Variants in PREX2 observed in about 807,000 individuals in gnomAD.
PREX2 encodes the protein phosphatidylinositol 3,4,5-trisphosphate-dependent Rac exchanger 2 protein.
In PREX2, 107 loss-of-function variants were observed where a neutral mutation model predicts 203.2. That is an observed-to-expected ratio of 0.53 (90% CI 0.45 to 0.62). PREX2 has a LOEUF of 0.62. Among genes scored for constraint, PREX2 ranks in the 20% least tolerant of loss-of-function variants. The pLI is 0.00. For synonymous variants in PREX2, 672 were observed against 663.6 expected, an observed-to-expected ratio of 1.01 and a Z score of -0.19; for missense variants, 1,777 against 1,955.9, an observed-to-expected ratio of 0.91 and a Z score of 1.72.
At chr8:68,156,156 G>T (rs1280321456) in intron 34 of PREX2, among the ~76,000 whole-genome samples, 1 of 152,138 alleles carries the variant, frequency 6.6e-6, no homozygotes, top group Non-Finnish European at 1.5e-5. Flanking sequence ...AAAATCCTGG[G>T]CTCAAGTTAT....
chr8:68,127,835 A>C (rs926548205), intron 31 of PREX2, among the ~76,000 whole-genome samples: 2 of 152,136 alleles, frequency 1.3e-5, no homozygotes, highest in Admixed American at 6.6e-5. Flanking sequence ...TGGGAGCTCA[A>C]AAAATATTGG....
chr8:68,112,240 C>T (rs996419906), intron 25 of PREX2, among the ~76,000 whole-genome samples: 1 of 152,128 alleles, frequency 6.6e-6, no homozygotes, highest in African/African-American at 2.4e-5. Context: ...GACTTTTGCC[C>T]TGCAATGGGC....
At chr8:68,219,186 T>C (rs1000896113) in intron 38 of PREX2, among the ~76,000 whole-genome samples, 4 of 152,162 alleles carry the variant, frequency 2.6e-5, no homozygotes, top group Admixed American at 2.0e-4. Flanking sequence ...TTTAGAATAT[T>C]CCACTAAGGA....
Position 68,010,498 on chromosome 8 carries a change from G to A in PREX2, c.142-7348G>A, listed in dbSNP as rs931620063. ...ACTAGGCTGTGGATGTAGTAATAGT[G>A]GATAGTGATAATAGGCGCAGTGGCA... is the stretch of plus-strand genomic sequence containing the variant. On this transcript the variant is annotated intron_variant, in intron 1 of 39. Transcript: ENST00000288368. Among the ~76,000 whole-genome samples the A allele has an allele frequency of 1.4e-4, 22 of 152,136 alleles. 1 individual carries two copies. The highest frequency in any genetic ancestry group is 4.6e-4 in the African/African-American group (19 of 41,420).
Position 68,030,532 on chromosome 8 carries a change from C to T in PREX2, c.579C>T (p.Asp193=). ...AGCGGACTCCACGGAAACACAGTGACTATGCAGCAGTGATGGAAGCCCTCC... is the reference window on the plus strand; with the variant it reads ...AGCGGACTCCACGGAAACACAGTGATTATGCAGCAGTGATGGAAGCCCTCC... ...LLKRTPRKHS[D]YAAVMEALQA... is the part of the protein sequence containing the mutation. Residue 193 remains aspartate, a synonymous_variant, in exon 6 of 40, where the codon GAC becomes GAT. Coordinates refer to ENST00000288368, the MANE Select transcript of PREX2 (RefSeq NM_024870.4). 1 of 1,613,426 alleles carries T rather than the reference C, an allele frequency of 6.2e-7. No homozygotes were observed. The highest frequency in any genetic ancestry group is 8.5e-7 in the Non-Finnish European group (1 of 1,179,560).
At chr8:68,194,215 C>G (rs1029121702) in intron 37 of PREX2, among the ~76,000 whole-genome samples, 1 of 152,154 alleles carries the variant, frequency 6.6e-6, no homozygotes, top group South Asian at 2.1e-4. Context: ...TGTGCCAGCA[C>G]TGTTCTAGTT....
chr8:68,032,703 G>A (rs930294906), intron 6 of PREX2, among the ~76,000 whole-genome samples: 1 of 152,182 alleles, frequency 6.6e-6, no homozygotes, highest in Non-Finnish European at 1.5e-5. Context: ...GCTGTAATGA[G>A]TTAAAGAGCT....
At chr8:68,049,517 T>G (rs566275241) in intron 8 of PREX2, among the ~76,000 whole-genome samples, 1 of 152,058 alleles carries the variant, frequency 6.6e-6, no homozygotes, top group Non-Finnish European at 1.5e-5. Context: ...TATGAAACTG[T>G]ACTGAAATAA....
intron 1 of PREX2, among the ~76,000 whole-genome samples, chr8:67,978,941 C>A (rs1806189202): frequency 6.6e-6 from 1 of 152,052 alleles, no homozygotes; most frequent in African/African-American, 2.4e-5. Context: ...AAAAGAAGTT[C>A]TAAATTAATC....
rs142452714 is a variant in PREX2 at position 68,078,212 on chromosome 8, C to T, written c.1642+743C>T. On this transcript the variant is annotated intron_variant, in intron 15 of 39. Coordinates refer to ENST00000288368, the MANE Select transcript of PREX2 (RefSeq NM_024870.4). ...ACAGGGTCTCACTCTGTCACCCAGG[C>T]TAGAGTGCAGTGGCATGATCTCAGC... Among the ~76,000 whole-genome samples the T allele has an allele frequency of 4.8e-3, 734 of 152,262 alleles. 5 individuals carry two copies. Among genetic ancestry groups the T allele is most frequent in the Non-Finnish European group, 6.7e-3 (459 of 68,018 alleles).
intron 35 of PREX2, among the ~76,000 whole-genome samples, chr8:68,163,273 CTG>C (rs1811689084): frequency 6.6e-6 from 1 of 152,158 alleles, no homozygotes; most frequent in African/African-American, 2.4e-5. Context: ...TGTATTCAAA[CTG>C]TGTCTTTGTA....
intron 35 of PREX2, among the ~76,000 whole-genome samples, chr8:68,187,057 T>C (rs1341085834): frequency 6.6e-6 from 1 of 152,122 alleles, no homozygotes; most frequent in Non-Finnish European, 1.5e-5. Context: ...GGAACATCTT[T>C]TTCAGAAAGA....
chr8:67,961,999 A>G (rs576666317), intron 1 of PREX2, among the ~76,000 whole-genome samples: 1 of 152,364 alleles, frequency 6.6e-6, no homozygotes, highest in African/African-American at 2.4e-5. Flanking sequence ...TGATATAAAA[A>G]TATTCTCTGG....
chr8:68,030,764 T>C (rs569245233), intron 6 of PREX2, 106 bp downstream of exon 6: 22 of 1,091,964 alleles, frequency 2.0e-5, no homozygotes, highest in South Asian at 5.7e-5. Flanking sequence ...TTTTCTCAGA[T>C]ATTACTTGAG....
intron 39 of PREX2, among the ~76,000 whole-genome samples, chr8:68,225,783 T>A (rs2129615512): frequency 6.6e-6 from 1 of 152,326 alleles, no homozygotes; most frequent in East Asian, 1.9e-4. Flanking sequence ...ATCTAAGGCT[T>A]TATATTGCTA....
chr8:68,070,631 A>G (rs948719630), intron 13 of PREX2, among the ~76,000 whole-genome samples: 2 of 152,208 alleles, frequency 1.3e-5, no homozygotes, highest in Non-Finnish European at 2.9e-5. Context: ...TGACTAAATC[A>G]TAGTCCGCAA....
chr8:68,106,678 T>C (rs1014436446), intron 23 of PREX2, among the ~76,000 whole-genome samples: 2 of 152,196 alleles, frequency 1.3e-5, no homozygotes, highest in East Asian at 1.9e-4. Flanking sequence ...TTATGCAATG[T>C]CAATTTTGAT....
At chr8:67,990,840 A>T (rs2129609469) in intron 1 of PREX2, among the ~76,000 whole-genome samples, 1 of 152,198 alleles carries the variant, frequency 6.6e-6, no homozygotes, top group African/African-American at 2.4e-5. Context: ...GCCGCCAGGG[A>T]TAAGACCCAT....
chr8:68,097,323 C>CT, intron 22 of PREX2, 122 bp downstream of exon 22: 1 of 724,526 alleles, frequency 1.4e-6, no homozygotes, highest in Non-Finnish European at 2.0e-6. Flanking sequence ...CTCATTCAAA[C>CT]TTCTTTTTTT....
Sources: gnomAD v4.1 joint callset for allele counts (sites outside exome capture counted in the v4.1 genomes callset) on GRCh38, gnomAD v4.1.1 for gene constraint, MANE v1.5 for transcripts, NCBI Gene and HGNC (gene_info 2026-07-23, HGNC 2026-07-21) for gene names.